LRRC7: variants seen among roughly 807,000 people sequenced by gnomAD.
LRRC7 encodes leucine rich repeat containing 7.
In LRRC7, 23 loss-of-function variants were observed where a neutral mutation model predicts 175.7. That is an observed-to-expected ratio of 0.13 (90% CI 0.09 to 0.19). The LOEUF is 0.19. Ranked by LOEUF, LRRC7 falls within the 10% of genes least tolerant of loss-of-function variation. LRRC7 has a pLI of 1.00. For missense variants in LRRC7, 1,354 were observed against 1,904.7 expected (o/e 0.71, Z 5.38); for synonymous variants, 685 against 680.9 (o/e 1.01, Z -0.09).
intron 3 of LRRC7, among the ~76,000 whole-genome samples, chr1:69,776,965 C>G (rs2101004583): frequency 1.3e-5 from 2 of 152,014 alleles, no homozygotes; most frequent in East Asian, 3.9e-4. Context: ...GGTGAATTTC[C>G]CATGGCCCTC....
At chr1:69,863,945 C>T (rs1684631872) in intron 7 of LRRC7, among the ~76,000 whole-genome samples, 1 of 152,084 alleles carries the variant, frequency 6.6e-6, no homozygotes, top group East Asian at 1.9e-4. Flanking sequence ...TCTCTCCTTT[C>T]TCTCCTCATG....
At position 69,711,684 on chromosome 1, in the gene LRRC7, G is replaced by A. The variant is rs375208336; in HGVS notation, c.100+33206G>A. Among the ~76,000 whole-genome samples, 64 of 152,270 alleles carry A rather than the reference G, an allele frequency of 4.2e-4. No homozygotes were observed. In the East Asian group the frequency reaches 4.8e-3, roughly 11 times the overall value. On this transcript the variant is annotated intron_variant, in intron 2 of 26. Transcript: ENST00000651989. Reference sequence around the variant, plus strand: ...TCAAATCTGGCCTATTTACCGTGTCGTCATGGCTCAAGTGCTGTAGCAACA... The same window carrying A: ...TCAAATCTGGCCTATTTACCGTGTCATCATGGCTCAAGTGCTGTAGCAACA...
chr1:70,017,122 AC>A (rs1336414853), intron 14 of LRRC7, among the ~76,000 whole-genome samples: 1 of 152,100 alleles, frequency 6.6e-6, no homozygotes, highest in Admixed American at 6.6e-5. Flanking sequence ...TATTAAAAAT[AC>A]CAAATTAGCC....
intron 3 of LRRC7, among the ~76,000 whole-genome samples, chr1:69,779,282 C>T (rs902366223): frequency 6.6e-6 from 1 of 152,072 alleles, no homozygotes; most frequent in Non-Finnish European, 1.5e-5. Context: ...TTATAATTTA[C>T]CTTAATAGAG....
At chr1:69,948,538 G>A (rs983092151) in intron 8 of LRRC7, among the ~76,000 whole-genome samples, 4 of 152,152 alleles carry the variant, frequency 2.6e-5, no homozygotes, top group Admixed American at 6.6e-5. Context: ...TGGTGAGTGA[G>A]CAAGCAGATT....
At chr1:69,596,967 A>G (rs1176222348) in intron 1 of LRRC7, among the ~76,000 whole-genome samples, 3 of 152,216 alleles carry the variant, frequency 2.0e-5, no homozygotes, top group Non-Finnish European at 4.4e-5. Context: ...TTGGTGAGGC[A>G]CGCAGAGAAT....
At chr1:69,685,089 A>G (rs182412312) in intron 2 of LRRC7, among the ~76,000 whole-genome samples, 1 of 152,284 alleles carries the variant, frequency 6.6e-6, no homozygotes, top group Non-Finnish European at 1.5e-5. Flanking sequence ...ACTCTAGCGG[A>G]TGACACCAGC....
At chr1:70,019,657 C>T (rs1379053290) in intron 15 of LRRC7, among the ~76,000 whole-genome samples, 7 of 151,896 alleles carry the variant, frequency 4.6e-5, no homozygotes, top group Non-Finnish European at 7.4e-5. Context: ...TCTTTGACCT[C>T]CAAATGTAAG....
At chr1:69,737,719 G>C (rs1668277362) in intron 2 of LRRC7, among the ~76,000 whole-genome samples, 1 of 151,988 alleles carries the variant, frequency 6.6e-6, no homozygotes, top group Non-Finnish European at 1.5e-5. Flanking sequence ...ACACTTCCCA[G>C]AACTCTTGCA....
At position 69,931,417 on chromosome 1, in the gene LRRC7, G is replaced by A. The variant is rs894517867; in HGVS notation, c.648-90G>A. 6.0e-6 allele frequency: 6 copies of A among 1,002,314 alleles called. No homozygotes were observed. The Admixed American group carries it at 9.6e-5, about 16-fold the overall frequency. 62.1% of individuals were successfully genotyped at this position (1,002,314 alleles called of 1,614,324 possible). On this transcript the variant is annotated intron_variant, in intron 7 of 26. Transcript: ENST00000651989. The stretch of plus-strand genomic sequence containing the variant: ...CCCAGTTTTGTGTACTACGCAATCA[G>A]GTAAATCTGACAGGAAGGTGGTTGG...
At chr1:70,037,027 G>A (rs1002079623) in intron 20 of LRRC7, among the ~76,000 whole-genome samples, 8 of 152,116 alleles carry the variant, frequency 5.3e-5, no homozygotes, top group Admixed American at 1.3e-4. Flanking sequence ...CATTGCTATC[G>A]TCATCATAAT....
At chr1:69,812,772 TG>T (rs564969251) in intron 4 of LRRC7, among the ~76,000 whole-genome samples, 42 of 152,140 alleles carry the variant, frequency 2.8e-4, no homozygotes, top group Non-Finnish European at 1.3e-4. Context: ...ATATGTGTAT[TG>T]ATTTATACAA....
chr1:69,942,916 C>T (rs892334541), intron 8 of LRRC7, among the ~76,000 whole-genome samples: 22 of 152,244 alleles, frequency 1.4e-4, no homozygotes, highest in African/African-American at 3.4e-4. Flanking sequence ...TAGCCCAGGA[C>T]GGCTTTGAAT....
intron 2 of LRRC7, among the ~76,000 whole-genome samples, chr1:69,694,083 G>C (rs913155631): frequency 6.6e-6 from 1 of 152,058 alleles, no homozygotes; most frequent in Admixed American, 6.6e-5. Context: ...TTCTCATGAA[G>C]TCACCATCAA....
intron 2 of LRRC7, among the ~76,000 whole-genome samples, chr1:69,679,793 C>T (rs1269068217): frequency 6.6e-6 from 1 of 152,028 alleles, no homozygotes; most frequent in East Asian, 1.9e-4. Flanking sequence ...AAATGGTTAT[C>T]ACAGAGTTAC....
intron 24 of LRRC7, among the ~76,000 whole-genome samples, chr1:70,082,503 T>G (rs1401377766): frequency 6.6e-6 from 1 of 152,154 alleles, no homozygotes; most frequent in Non-Finnish European, 1.5e-5. Context: ...ATCAATTGAC[T>G]TTATAAGTTG....
intron 1 of LRRC7, among the ~76,000 whole-genome samples, chr1:69,575,203 T>C (rs1472951803): frequency 6.6e-6 from 1 of 152,030 alleles, no homozygotes; most frequent in Non-Finnish European, 1.5e-5. Flanking sequence ...ATGGGAGAAA[T>C]AGCAATAAAA....
At chr1:69,884,553 G>A (rs368595196) in intron 7 of LRRC7, among the ~76,000 whole-genome samples, 8 of 137,574 alleles carry the variant, frequency 5.8e-5, no homozygotes, top group Non-Finnish European at 7.6e-5. Flanking sequence ...CAATCATGTC[G>A]TCTGCAAACA....
chr1:69,942,598 C>T (rs1191081944), intron 8 of LRRC7, among the ~76,000 whole-genome samples: 2 of 152,040 alleles, frequency 1.3e-5, no homozygotes, highest in Non-Finnish European at 2.9e-5. Flanking sequence ...CTAGAGGCCA[C>T]TTGCATTCCT....
Sources: allele counts gnomAD v4.1 joint callset (sites outside exome capture counted in the v4.1 genomes callset), GRCh38; gene constraint gnomAD v4.1.1; transcripts MANE v1.5; gene names NCBI Gene and HGNC (gene_info 2026-07-23, HGNC 2026-07-21).